The following PITPNM2 variants were observed in gnomAD, a reference collection of about 807,000 sequenced individuals.
PITPNM2 encodes the protein membrane-associated phosphatidylinositol transfer protein 2.
In PITPNM2, 35 loss-of-function variants were observed where a neutral mutation model predicts 132.2. The ratio of observed to expected loss-of-function variants is 0.26; its 90% confidence interval spans 0.20 to 0.35. The LOEUF is 0.35. Ranked by LOEUF, PITPNM2 falls within the 10% of genes least tolerant of loss-of-function variation. The pLI, the probability that PITPNM2 is intolerant of heterozygous loss-of-function variation, is 1.00. For missense variants in PITPNM2, 1,332 were observed against 1,912.0 expected (o/e 0.70, Z 5.66); for synonymous variants, 738 against 799.2 (o/e 0.92, Z 1.29).
intron 1 of PITPNM2, among the ~76,000 whole-genome samples, chr12:123,124,383 G>GATCA (rs1396944802): frequency 6.6e-6 from 1 of 151,926 alleles, no homozygotes; most frequent in Non-Finnish European, 1.5e-5. Context: ...AGTGAGCCAA[G>GATCA]ATCACACCAC....
intron 2 of PITPNM2, among the ~76,000 whole-genome samples, chr12:123,094,934 G>A (rs1481873359): frequency 3.3e-5 from 5 of 152,178 alleles, no homozygotes; most frequent in Admixed American, 6.5e-5. Context: ...GTACACCCTC[G>A]CAGAACCACA....
chr12:122,996,634 T>C, intron 12 of PITPNM2, 57 bp from the exon 13 acceptor site: 1 of 1,611,576 alleles, frequency 6.2e-7, no homozygotes. Context: ...GACTATAGGC[T>C]GGGGAGGCCG....
At chr12:123,060,466 C>A (rs908047174) in intron 2 of PITPNM2, among the ~76,000 whole-genome samples, 1 of 152,216 alleles carries the variant, frequency 6.6e-6, no homozygotes, top group Non-Finnish European at 1.5e-5. Flanking sequence ...CTGTGACAGT[C>A]CCTCTGCCAA....
Position 122,992,342 on chromosome 12 carries a change from C to T in PITPNM2, c.2404+157G>A, listed in dbSNP as rs560408685. Among the ~76,000 whole-genome samples, 1 of 135,712 alleles carries T rather than the reference C, an allele frequency of 7.4e-6. No individual in the cohort carries two copies. The highest frequency in any genetic ancestry group is 1.6e-5 in the Non-Finnish European group (1 of 63,396). The allele number at this position is 135,712 out of a possible 152,430, so 89.0% of individuals were successfully genotyped here. A position where few individuals can be genotyped will look rare whatever the true frequency, so the allele number is the denominator to read the frequency against. On this transcript the variant is annotated intron_variant, in intron 16 of 25. Coordinates refer to ENST00000320201, the MANE Select transcript of PITPNM2 (RefSeq NM_020845.3). This position sits in a 1 kb window ranked among gnomAD's most constrained non-coding sequence, Gnocchi z 6.5. ...AGTGCGGAGGGATGCACCACCCCCA[C>T]CCCCCACCCCCAACAGCTGTCCACC...
At chr12:123,137,007 C>A (rs2137614939) in intron 1 of PITPNM2, among the ~76,000 whole-genome samples, 1 of 152,328 alleles carries the variant, frequency 6.6e-6, no homozygotes, top group South Asian at 2.1e-4. Flanking sequence ...AATGGATTTC[C>A]TAAGTCACTT....
rs1464407026 is a variant in PITPNM2, at chr12:123,099,517, C to T, written c.-96+10868G>A. Among the ~76,000 whole-genome samples the T allele has an allele frequency of 1.3e-5, 2 of 152,204 alleles. No individual in the cohort carries two copies. Among genetic ancestry groups the T allele is most frequent in the African/African-American group, 4.8e-5 (2 of 41,450 alleles). On this transcript the variant is annotated intron_variant, in intron 2 of 25. Coordinates refer to ENST00000320201, the MANE Select transcript of PITPNM2 (RefSeq NM_020845.3). The surrounding 1 kb of genome is among the most constrained non-coding windows in gnomAD (Gnocchi z 4.2). The stretch of plus-strand genomic sequence containing the variant: ...CCTACCTGCAGCACTGGCAGACTTC[C>T]CACAAGCTCCTGGTCTGAACATCAT...
intron 6 of PITPNM2, among the ~76,000 whole-genome samples, chr12:123,006,344 A>C (rs1160744426): frequency 6.6e-6 from 1 of 152,034 alleles, no homozygotes; most frequent in African/African-American, 2.4e-5. Flanking sequence ...ATATAAGAAT[A>C]TATTATACAT....
At chr12:123,103,171 G>A (rs1318117375) in intron 2 of PITPNM2, among the ~76,000 whole-genome samples, 1 of 152,196 alleles carries the variant, frequency 6.6e-6, no homozygotes, top group Non-Finnish European at 1.5e-5. Flanking sequence ...GGTGGCAGGA[G>A]AAGTTGTTTT....
Position 123,095,630 on chromosome 12 carries a change from G to A in PITPNM2, c.-96+14755C>T, listed in dbSNP as rs989323892. Among the ~76,000 whole-genome samples the A allele has an allele frequency of 6.6e-6, 1 of 152,096 alleles. No homozygotes were observed. The highest frequency in any genetic ancestry group is 1.5e-5 in the Non-Finnish European group (1 of 68,014). On this transcript the variant is annotated intron_variant, in intron 2 of 25. Coordinates refer to ENST00000320201, the MANE Select transcript of PITPNM2 (RefSeq NM_020845.3). This position sits in a 1 kb window ranked among gnomAD's most constrained non-coding sequence, Gnocchi z 5.0. ...CAACGCTCCCCTTGGGTTTCAAGGC[G>A]ACATCTAAGCTCCTTAACTAGGGCA...
chr12:123,037,727 C>G lies in PITPNM2; in HGVS notation c.-95-3042G>C, dbSNP rs140003474. On this transcript the variant is annotated intron_variant, in intron 2 of 25. Coordinates refer to ENST00000320201, the MANE Select transcript of PITPNM2 (RefSeq NM_020845.3). ...AGATTCCAGGCTCACCAGGCACTAG[C>G]AAGGTAGGACCCCCTGAGCCAGATT... 2.8e-3 allele frequency among the ~76,000 whole-genome samples: 432 copies of G among 152,306 alleles called. 1 individual carries two copies. The Middle Eastern group carries it at 0.031, about 11-fold the overall frequency.
At chr12:123,028,439 C>CA (rs2039944984) in intron 3 of PITPNM2, among the ~76,000 whole-genome samples, 1 of 152,154 alleles carries the variant, frequency 6.6e-6, no homozygotes, top group Non-Finnish European at 1.5e-5. Flanking sequence ...ATTCTTTCCA[C>CA]AAAAACACAG....
At chr12:123,068,434 C>T (rs1225013870) in intron 2 of PITPNM2, among the ~76,000 whole-genome samples, 1 of 150,942 alleles carries the variant, frequency 6.6e-6, no homozygotes, top group African/African-American at 2.4e-5. Context: ...GGCGACAGAG[C>T]GAGACTCCAT....
chr12:123,101,670 A>G (rs2042566308), intron 2 of PITPNM2, among the ~76,000 whole-genome samples: 2 of 152,298 alleles, frequency 1.3e-5, no homozygotes, highest in Admixed American at 1.3e-4. Flanking sequence ...CACTCCTCCC[A>G]TCTGGGAACC....
At chr12:122,990,465 C>T in intron 17 of PITPNM2, 80 bp downstream of exon 17, 1 of 1,557,632 alleles carries the variant, frequency 6.4e-7, no homozygotes, top group Non-Finnish European at 8.7e-7. Flanking sequence ...AGAAATGCTC[C>T]TAGACATGGC....
chr12:123,059,647 C>CA (rs1424456354), intron 2 of PITPNM2, among the ~76,000 whole-genome samples: 1 of 152,174 alleles, frequency 6.6e-6, no homozygotes, highest in Non-Finnish European at 1.5e-5. Flanking sequence ...GCTTGAGGGC[C>CA]ATAGAGCAGG....
intron 1 of PITPNM2, among the ~76,000 whole-genome samples, chr12:123,132,521 C>CCT (rs1555299795): frequency 9.0e-5 from 13 of 144,998 alleles, no homozygotes; most frequent in African/African-American, 2.5e-4. Flanking sequence ...TTTTCTTTCC[C>CCT]TTTTTTTTTT....
At chr12:123,034,488 G>A in intron 3 of PITPNM2, 25 bp downstream of exon 3, 1 of 1,517,710 alleles carries the variant, frequency 6.6e-7, no homozygotes, top group South Asian at 1.1e-5. Flanking sequence ...CTCACCCCAT[G>A]ACCCACCCTT....
At chr12:122,986,964 T>C in intron 23 of PITPNM2, 135 bp from the exon 24 acceptor site, 1 of 1,202,538 alleles carries the variant, frequency 8.3e-7, no homozygotes. Flanking sequence ...ACGACAATGG[T>C]TGACAATGAC....
At chr12:123,055,307 C>G (rs2040987187) in intron 2 of PITPNM2, among the ~76,000 whole-genome samples, 1 of 152,172 alleles carries the variant, frequency 6.6e-6, no homozygotes, top group Non-Finnish European at 1.5e-5. Flanking sequence ...AACGTGCCAC[C>G]CTTTCATCAT....
Sources: allele counts gnomAD v4.1 joint callset (sites outside exome capture counted in the v4.1 genomes callset), GRCh38; gene constraint gnomAD v4.1.1; non-coding constraint Gnocchi (gnomAD v3.1); transcripts MANE v1.5; gene names NCBI Gene and HGNC (gene_info 2026-07-23, HGNC 2026-07-21).